DLGAP1: variants seen among roughly 807,000 people sequenced by gnomAD.
DLGAP1 encodes the protein disks large-associated protein 1.
DLGAP1 carries 11 observed loss-of-function variants against 90.8 expected under a neutral mutation model. The observed-to-expected ratio is 0.12, with a 90% CI of 0.08 to 0.20. The LOEUF is 0.20. Ranked by LOEUF, DLGAP1 falls within the 10% of genes least tolerant of loss-of-function variation. The probability of loss-of-function intolerance (pLI) is 1.00; values close to 1 mark genes in which losing one functional copy is unlikely to be tolerated. For synonymous variants in DLGAP1, 558 were observed against 540.7 expected, an observed-to-expected ratio of 1.03 and a Z score of -0.44; for missense variants, 1,050 against 1,333.8, an observed-to-expected ratio of 0.79 and a Z score of 3.31.
intron 1 of DLGAP1, among the ~76,000 whole-genome samples, chr18:4,401,667 A>G (rs1440621568): frequency 1.3e-5 from 2 of 152,212 alleles, no homozygotes; most frequent in Non-Finnish European, 2.9e-5. Flanking sequence ...ATGTAGGTTG[A>G]ACTTTTAAAA....
At chr18:4,104,920 C>G (rs2075835058) in intron 2 of DLGAP1, among the ~76,000 whole-genome samples, 1 of 152,178 alleles carries the variant, frequency 6.6e-6, no homozygotes, top group Non-Finnish European at 1.5e-5. Flanking sequence ...TTCATGTTAA[C>G]TTTGAGCAAA....
At chr18:3,583,143 G>GACCT (rs764967145) in intron 7 of DLGAP1, among the ~76,000 whole-genome samples, 11,881 of 113,418 alleles carry the variant, frequency 0.1, 719 homozygotes, top group East Asian at 0.19. Flanking sequence ...CTGACTGACC[G>GACCT]ACCTACCTAC....
intron 3 of DLGAP1, among the ~76,000 whole-genome samples, chr18:3,996,219 T>A (rs1414427947): frequency 1.3e-5 from 2 of 152,170 alleles, no homozygotes; most frequent in Non-Finnish European, 1.5e-5. Flanking sequence ...AAGTCAATTC[T>A]GATAAGATGT....
intron 2 of DLGAP1, among the ~76,000 whole-genome samples, chr18:4,019,806 C>T (rs565191887): frequency 4.8e-4 from 69 of 144,746 alleles, no homozygotes; most frequent in African/African-American, 1.6e-3. Context: ...TAGGCGCGCG[C>T]GTGTGCGCGC....
At chr18:3,930,976 AC>A (rs2072502857) in intron 3 of DLGAP1, among the ~76,000 whole-genome samples, 1 of 152,032 alleles carries the variant, frequency 6.6e-6, no homozygotes, top group Non-Finnish European at 1.5e-5. Context: ...GGGCCTAACT[AC>A]CCGTCTCCAC....
chr18:3,601,701 C>T (rs2057034016), intron 7 of DLGAP1, among the ~76,000 whole-genome samples: 1 of 151,798 alleles, frequency 6.6e-6, no homozygotes, highest in Non-Finnish European at 1.5e-5. Context: ...ATAAATTAGC[C>T]GGTCATGGTG....
At chr18:4,368,362 C>T (rs7227634) in intron 1 of DLGAP1, among the ~76,000 whole-genome samples, 5,244 of 152,130 alleles carry the variant, frequency 0.034, 150 homozygotes, top group African/African-American at 0.076. Context: ...TGAAGGTAGG[C>T]TTTTTTATAA....
At chr18:4,053,886 A>AT (rs1254014439) in intron 2 of DLGAP1, among the ~76,000 whole-genome samples, 10 of 152,360 alleles carry the variant, frequency 6.6e-5, no homozygotes, top group African/African-American at 2.2e-4. Context: ...GAAATTTCTC[A>AT]TTTTTAAAAT....
chr18:3,803,612 C>CAG (rs1290157474), intron 5 of DLGAP1, among the ~76,000 whole-genome samples: 2 of 152,060 alleles, frequency 1.3e-5, no homozygotes, highest in African/African-American at 2.4e-5. Flanking sequence ...GAACAATGTA[C>CAG]AGATGGTGGA....
intron 7 of DLGAP1, among the ~76,000 whole-genome samples, chr18:3,664,241 T>C (rs1025314567): frequency 1.3e-5 from 2 of 148,800 alleles, no homozygotes; most frequent in Admixed American, 6.6e-5. Context: ...CACACACGGA[T>C]ATACTACTTC....
intron 12 of DLGAP1, among the ~76,000 whole-genome samples, chr18:3,501,974 A>G (rs1403601230): frequency 6.6e-6 from 1 of 151,220 alleles, no homozygotes; most frequent in Non-Finnish European, 1.5e-5. Flanking sequence ...AAAAAACCCA[A>G]CATTTATGTA....
chr18:4,028,112 A>T (rs2074732849), intron 2 of DLGAP1, among the ~76,000 whole-genome samples: 1 of 152,236 alleles, frequency 6.6e-6, no homozygotes, highest in Admixed American at 6.5e-5. Context: ...CAAGATTGTC[A>T]AGAAGATTCT....
chr18:3,910,269 A>G (rs1324308266), intron 3 of DLGAP1, among the ~76,000 whole-genome samples: 1 of 151,908 alleles, frequency 6.6e-6, no homozygotes, highest in Non-Finnish European at 1.5e-5. Context: ...TAAACTGAGG[A>G]TAGCTGTCTC....
Position 4,269,651 on chromosome 18 carries a change from G to T in DLGAP1, c.-266-118364C>A, listed in dbSNP as rs190269214. 4.1e-3 allele frequency among the ~76,000 whole-genome samples: 629 copies of T among 152,124 alleles called. 26 individuals are homozygous for T. Among genetic ancestry groups the T allele is most frequent in the Admixed American group, 0.034 (527 of 15,286 alleles). On this transcript the variant is annotated intron_variant, in intron 1 of 12. Coordinates refer to ENST00000315677, the MANE Select transcript of DLGAP1 (RefSeq NM_004746.4). ...TTACAGGCGTGAGCCACCGCGCCCG[G>T]CCATATTCTATTATTATTTTATTTT...
intron 4 of DLGAP1, among the ~76,000 whole-genome samples, chr18:3,821,721 C>G (rs764097418): frequency 6.6e-6 from 1 of 152,086 alleles, no homozygotes; most frequent in Non-Finnish European, 1.5e-5. Flanking sequence ...TGCAGGACAG[C>G]CACACCTTTA....
intron 3 of DLGAP1, among the ~76,000 whole-genome samples, chr18:3,955,217 G>T (rs1327726753): frequency 6.6e-6 from 1 of 152,168 alleles, no homozygotes; most frequent in Non-Finnish European, 1.5e-5. Context: ...TCTTGTTTTA[G>T]TAAGTGGGGA....
At chr18:4,107,342 G>T (rs1274900904) in intron 2 of DLGAP1, among the ~76,000 whole-genome samples, 1 of 152,142 alleles carries the variant, frequency 6.6e-6, no homozygotes, top group Non-Finnish European at 1.5e-5. Flanking sequence ...AGGGAAAGCC[G>T]TCTGGAAGCT....
chr18:4,299,979 C>A (rs1221139483), intron 1 of DLGAP1, among the ~76,000 whole-genome samples: 1 of 148,892 alleles, frequency 6.7e-6, no homozygotes, highest in Non-Finnish European at 1.5e-5. Context: ...TATGTACCAG[C>A]AAAACCTATT....
chr18:4,094,148 A>G (rs1302272320), intron 2 of DLGAP1, among the ~76,000 whole-genome samples: 1 of 152,182 alleles, frequency 6.6e-6, no homozygotes, highest in Non-Finnish European at 1.5e-5. Flanking sequence ...TAAAAAAAAT[A>G]CTGATATGTA....
Sources: gnomAD v4.1 joint callset for allele counts (sites outside exome capture counted in the v4.1 genomes callset) on GRCh38, gnomAD v4.1.1 for gene constraint, MANE v1.5 for transcripts, NCBI Gene and HGNC (gene_info 2026-07-23, HGNC 2026-07-21) for gene names.